Variants in POLA1 observed in about 807,000 individuals in gnomAD.
The protein encoded by POLA1 is DNA polymerase alpha catalytic subunit.
POLA1 carries 15 observed loss-of-function variants against 124.0 expected under a neutral mutation model. The ratio of observed to expected loss-of-function variants is 0.12; its 90% CI spans 0.08 to 0.19. The LOEUF (loss-of-function observed/expected upper bound fraction) is 0.19. Ranked by LOEUF, POLA1 falls within the 10% of genes least tolerant of loss-of-function variation. POLA1 has a pLI of 1.00. For synonymous variants in POLA1, 408 were observed against 389.4 expected (o/e 1.05, Z -0.56); for missense variants, 886 against 1,103.4 (o/e 0.80, Z 2.79).
intron 26 of POLA1, among the ~76,000 whole-genome samples, chrX:24,774,212 T>C (rs191163221): frequency 6.1e-4 from 68 of 111,706 alleles, no homozygotes; most frequent in East Asian, 1.7e-3. Context: ...CTCTGCCCTC[T>C]CTGCTTCAGT....
intron 34 of POLA1, among the ~76,000 whole-genome samples, chrX:24,859,273 A>C (rs2046686495): frequency 8.9e-6 from 1 of 111,823 alleles, no homozygotes; most frequent in Admixed American, 9.5e-5. Flanking sequence ...ACCGATTAAA[A>C]TTCAGATTTG....
chrX:24,946,789 A>G (rs1228648005), intron 36 of POLA1, among the ~76,000 whole-genome samples: 1 of 112,197 alleles, frequency 8.9e-6, no homozygotes, highest in Non-Finnish European at 1.9e-5. Flanking sequence ...TAGGAGCCTA[A>G]TAAATGGTAT....
rs1236358693 is a variant in POLA1 at position 24,821,598 on chromosome X, T to G, written c.3561+15T>G. On this transcript the variant is annotated intron_variant, in intron 31 of 36. Coordinates refer to ENST00000379068, the MANE Select transcript of POLA1 (RefSeq NM_001330360.2). Reference sequence around the variant, plus strand: ...TCATCTGTCAGGTAAACTATTGACATTCGTAAGACTCTGACACCTCTTAAG... The same window carrying G: ...TCATCTGTCAGGTAAACTATTGACAGTCGTAAGACTCTGACACCTCTTAAG... 4 of 1,168,322 alleles carry G rather than the reference T, an allele frequency of 3.4e-6. No individual in the cohort carries two copies. Among genetic ancestry groups the G allele is most frequent in the Non-Finnish European group, 4.6e-6 (4 of 860,897 alleles).
At position 24,841,694 on chromosome X, in the gene POLA1, A is replaced by G; in HGVS notation, c.3779A>G (p.Asp1260Gly). Residue 1260 changes from aspartate (D) to glycine (G), a missense_variant, in exon 33 of 37, where the codon GAT becomes GGT. Asp to Gly is a moderately conservative substitution (Grantham distance 94). This residue lies in a region of POLA1 where 313 missense variants were observed against 359.7 expected (regional missense o/e 0.87). Coordinates refer to ENST00000379068, the MANE Select transcript of POLA1 (RefSeq NM_001330360.2). ...TQFRVHHYHK[D>G]EENDALLGGP... is the part of the protein sequence containing the mutation. Reference sequence around the variant, plus strand: ...TTTAGAGTTCATCATTATCATAAAGATGAAGAGAATGATGCTCTACTTGGT... The same window carrying G: ...TTTAGAGTTCATCATTATCATAAAGGTGAAGAGAATGATGCTCTACTTGGT... 1 of 1,186,274 alleles carries G rather than the reference A, an allele frequency of 8.4e-7. No individual in the cohort carries two copies.
chrX:24,871,173 A>G (rs2046858449), intron 34 of POLA1, among the ~76,000 whole-genome samples: 1 of 112,307 alleles, frequency 8.9e-6, no homozygotes, highest in Non-Finnish European at 1.9e-5. Context: ...TTGATAGAAT[A>G]TGCCATTTAG....
chrX:24,973,351 G>A (rs768831434), intron 36 of POLA1, among the ~76,000 whole-genome samples: 1 of 109,186 alleles, frequency 9.2e-6, no homozygotes, highest in South Asian at 4.0e-4. Flanking sequence ...GGTGACAAGA[G>A]CAAAACTGTC....
chrX:24,739,782 T>G (rs1931523058), intron 20 of POLA1, among the ~76,000 whole-genome samples: 1 of 112,339 alleles, frequency 8.9e-6, no homozygotes, highest in African/African-American at 3.2e-5. Flanking sequence ...CTAACAGTAG[T>G]TTGGATTTAG....
chrX:24,827,563 T>C (rs1190855809), intron 32 of POLA1, among the ~76,000 whole-genome samples: 1 of 112,462 alleles, frequency 8.9e-6, no homozygotes, highest in Non-Finnish European at 1.9e-5. Flanking sequence ...CTGCCCATTC[T>C]GTCCCTGCTT....
At chrX:24,823,305 C>G (rs1266660814) in intron 31 of POLA1, among the ~76,000 whole-genome samples, 1 of 111,843 alleles carries the variant, frequency 8.9e-6, no homozygotes, top group Non-Finnish European at 1.9e-5. Context: ...GTTTGCTAGC[C>G]AAATCTGCCT....
chrX:24,793,277 CAAAAAAAAAAAAAAAA>C (rs144419886), intron 26 of POLA1, among the ~76,000 whole-genome samples: 3 of 26,036 alleles, frequency 1.2e-4, no homozygotes, highest in East Asian at 9.7e-4. Flanking sequence ...GACTCCCTCT[CAAAAAAAAAAAAAAAA>C]AAAAAAAAAA....
intron 15 of POLA1, among the ~76,000 whole-genome samples, chrX:24,729,985 C>T (rs1005054382): frequency 1.5e-4 from 16 of 109,150 alleles, no homozygotes; most frequent in Non-Finnish European, 7.6e-5. Flanking sequence ...TTAGCAGAGG[C>T]GGGGTTTCAC....
intron 34 of POLA1, among the ~76,000 whole-genome samples, chrX:24,872,612 TA>T (rs1201415276): frequency 9.0e-6 from 1 of 111,672 alleles, no homozygotes; most frequent in African/African-American, 3.3e-5. Flanking sequence ...TTAGGATATT[TA>T]AAATATTTTG....
At chrX:24,835,699 T>TGG (rs1051711203) in intron 32 of POLA1, among the ~76,000 whole-genome samples, 4 of 111,169 alleles carry the variant, frequency 3.6e-5, no homozygotes, top group African/African-American at 1.3e-4. Context: ...GTCTCCTATG[T>TGG]TTCCTATAAA....
intron 36 of POLA1, among the ~76,000 whole-genome samples, chrX:24,991,398 C>T (rs2048534168): frequency 8.9e-6 from 1 of 112,712 alleles, no homozygotes; most frequent in Non-Finnish European, 1.9e-5. Context: ...GCCACTGAAA[C>T]ATGGTAAGGG....
At chrX:24,971,936 T>TATTTTATTTTATTTA (rs2048307416) in intron 36 of POLA1, among the ~76,000 whole-genome samples, 2 of 81,633 alleles carry the variant, frequency 2.4e-5, no homozygotes, top group Admixed American at 2.5e-4. Context: ...TGGAAGATTT[T>TATTTTATTTTATTTA]ATTTTATTTT....
chrX:24,793,341 G>A (rs1382360575), intron 26 of POLA1, among the ~76,000 whole-genome samples: 5 of 103,414 alleles, frequency 4.8e-5, no homozygotes, highest in African/African-American at 1.8e-4. Flanking sequence ...CTTTGTGTGA[G>A]TCTACTTTCA....
chrX:24,993,627 T>A (rs1213839160), intron 36 of POLA1, among the ~76,000 whole-genome samples: 1 of 111,601 alleles, frequency 9.0e-6, no homozygotes, highest in Non-Finnish European at 1.9e-5. Context: ...CCCAGGTGCC[T>A]AAAGGGGGAA....
At chrX:24,738,219 CAAAAAAAAAAAAAA>C (rs755084911) in intron 19 of POLA1, among the ~76,000 whole-genome samples, 132 of 11,247 alleles carry the variant, frequency 0.012, 14 homozygotes, top group Middle Eastern at 0.053. Flanking sequence ...GACTCCGTCT[CAAAAAAAAAAAAAA>C]AAAAAAAAAA....
At chrX:24,725,953 G>A (rs191574375) in intron 12 of POLA1, 28 bp from the exon 13 acceptor site, 318 of 993,372 alleles carry the variant, frequency 3.2e-4, no homozygotes, top group Non-Finnish European at 4.2e-4. Context: ...TTTGTCTTAA[G>A]GATTTTTTAA....
Sources: gnomAD v4.1 joint callset for allele counts (sites outside exome capture counted in the v4.1 genomes callset) on GRCh38, gnomAD v4.1.1 for gene constraint, gnomAD v4.1.1 regional missense constraint, MANE v1.5 for transcripts, NCBI Gene and HGNC (gene_info 2026-07-23, HGNC 2026-07-21) for gene names.